Variants in VLDLR observed in about 807,000 individuals in gnomAD.
VLDLR encodes very low-density lipoprotein receptor.
A neutral mutation model predicts 112.7 loss-of-function variants in VLDLR; 81 were observed. The observed-to-expected ratio is 0.72, with a 90% confidence interval of 0.60 to 0.86. The LOEUF (loss-of-function observed/expected upper bound fraction) is 0.86, where lower values mean the gene tolerates loss of function less well. Among genes scored for constraint, VLDLR ranks in the 40% least tolerant of loss-of-function variants. VLDLR has a pLI of 0.00. For missense variants in VLDLR, 1,237 were observed against 1,099.4 expected (o/e 1.13, Z -1.77); for synonymous variants, 436 against 384.8 (o/e 1.13, Z -1.56).
intron 12 of VLDLR, 22 bp from the exon 13 acceptor site, chr9:2,648,186 T>C (rs774380798): frequency 2.5e-6 from 4 of 1,613,040 alleles, no homozygotes; most frequent in East Asian, 2.2e-5. Flanking sequence ...TGTCATGTAA[T>C]GACAATTCTT....
rs1326187515 is a variant in VLDLR at position 2,653,428 on chromosome 9, T to G, written c.2587-405T>G. Among the ~76,000 whole-genome samples the G allele has an allele frequency of 2.6e-5, 4 of 152,208 alleles. No homozygotes were observed. In the East Asian group the frequency reaches 7.7e-4, roughly 29 times the overall value. ...TTTCTTCCAGCAATAGTCACTCACT[T>G]GTTCTTCAGATGAAACCCAAGTGGA... On this transcript the variant is annotated intron_variant, in intron 18 of 18. Transcript: ENST00000382100.
intron 2 of VLDLR, among the ~76,000 whole-genome samples, chr9:2,638,764 C>T (rs1173715657): frequency 6.6e-6 from 1 of 152,118 alleles, no homozygotes; most frequent in East Asian, 1.9e-4. Context: ...AAAGACCTGC[C>T]CCAGGAAGAA....
At chr9:2,637,537 C>G (rs972177918) in intron 2 of VLDLR, among the ~76,000 whole-genome samples, 1 of 152,198 alleles carries the variant, frequency 6.6e-6, no homozygotes, top group African/African-American at 2.4e-5. Flanking sequence ...GTCTATGCTC[C>G]AAATGAAGAG....
Position 2,629,810 on chromosome 9 carries a change from TTTC to T in VLDLR, c.83-5642_83-5640del, listed in dbSNP as rs1418099226. 1.1e-3 allele frequency among the ~76,000 whole-genome samples: 164 copies of T among 152,294 alleles called. 1 individual carries two copies. The highest frequency in any genetic ancestry group is 3.5e-3 in the African/African-American group (147 of 41,544). ...TTTTTGTTGCTGTTTGTTTGTTTGT[TTTC>T]GAGATGGAGTTTCACTCTTGTTGCC... On this transcript the variant is annotated intron_variant, in intron 1 of 18. Transcript: ENST00000382100.
chr9:2,623,553 G>C (rs1294078260), intron 1 of VLDLR, among the ~76,000 whole-genome samples: 2 of 152,246 alleles, frequency 1.3e-5, no homozygotes, highest in Non-Finnish European at 2.9e-5. Context: ...GCAGCGCCTG[G>C]GGTTTTTACG....
At chr9:2,648,956 A>G (rs1818192499) in intron 14 of VLDLR, 146 bp downstream of exon 14, 2 of 1,030,788 alleles carry the variant, frequency 1.9e-6, no homozygotes, top group East Asian at 2.6e-5. Flanking sequence ...AACATTTCAC[A>G]TGTTATTTTT....
At chr9:2,641,523 C>G in intron 4 of VLDLR, 24 bp downstream of exon 4, 2 of 1,613,690 alleles carry the variant, frequency 1.2e-6, no homozygotes, top group African/African-American at 1.3e-5. Context: ...TGTTGAGTGA[C>G]GTAACCCAAA....
At chr9:2,648,062 C>T (rs899473068) in intron 12 of VLDLR, 146 bp from the exon 13 acceptor site, 32 of 1,076,392 alleles carry the variant, frequency 3.0e-5, no homozygotes, top group Non-Finnish European at 3.8e-5. Flanking sequence ...GCTCTGCATG[C>T]TGCTTCGCAA....
rs569872877 is a variant in VLDLR at position 2,647,833 on chromosome 9, T to C, written c.1822+241T>C. 59 of 605,818 alleles carry C rather than the reference T, an allele frequency of 9.7e-5. No individual in the cohort carries two copies. The East Asian group carries it at 1.6e-3, about 16-fold the overall frequency. The allele number at this position is 605,818 out of a possible 1,614,324, so 37.5% of individuals were successfully genotyped here. On this transcript the variant is annotated intron_variant, in intron 12 of 18. Coordinates refer to ENST00000382100, the MANE Select transcript of VLDLR (RefSeq NM_003383.5). The stretch of plus-strand genomic sequence containing the variant: ...ATATGTGACACAAATTCAGTGAACG[T>C]TGGGTCTTGGGTGCACTCATACTAA...
chr9:2,642,830 A>G (rs900792642), intron 4 of VLDLR, among the ~76,000 whole-genome samples: 6 of 152,160 alleles, frequency 3.9e-5, no homozygotes, highest in Non-Finnish European at 8.8e-5. Flanking sequence ...GGACAACTCA[A>G]TCTCTGCCTT....
chr9:2,644,458 C>T (rs894197176), intron 7 of VLDLR, among the ~76,000 whole-genome samples: 3 of 151,632 alleles, frequency 2.0e-5, no homozygotes, highest in African/African-American at 4.9e-5. Flanking sequence ...CATGAGCCAC[C>T]GCGCCCGGCC....
chr9:2,627,386 T>C (rs1436455005), intron 1 of VLDLR, among the ~76,000 whole-genome samples: 2 of 152,140 alleles, frequency 1.3e-5, no homozygotes, highest in Non-Finnish European at 2.9e-5. Flanking sequence ...CCAAAGAGCA[T>C]TAAAACATGT....
intron 1 of VLDLR, among the ~76,000 whole-genome samples, chr9:2,623,812 G>C (rs1816951111): frequency 6.6e-6 from 1 of 152,128 alleles, no homozygotes; most frequent in Non-Finnish European, 1.5e-5. Context: ...CGAATGTGTA[G>C]TGAACATGGA....
rs763355007 is a variant in VLDLR, at chr9:2,650,377, T to C, written c.2112T>C (p.Asn704=). The C allele has an allele frequency of 1.9e-6, 3 of 1,614,054 alleles. No individual in the cohort carries two copies. Among genetic ancestry groups the C allele is most frequent in the Non-Finnish European group, 1.7e-6 (2 of 1,180,008 alleles). Residue 704 remains asparagine (N), a synonymous_variant, in exon 15 of 19, where the codon AAT becomes AAC. Transcript: ENST00000382100. ...ATTTTTTTTCCTGACTAGGTAAAAATTGGTGTGAAGAAGACATGGAGAATG... is the reference window on the plus strand; with the variant it reads ...ATTTTTTTTCCTGACTAGGTAAAAACTGGTGTGAAGAAGACATGGAGAATG... ...YHELVQPSGK[N]WCEEDMENGG...
At position 2,657,884 on chromosome 9, in the gene VLDLR, A is replaced by T. The variant is rs1818661279; in HGVS notation, c.*4016A>T. 6.6e-6 allele frequency: 1 copy of T among 152,248 alleles called. No individual in the cohort carries two copies. The highest frequency in any genetic ancestry group is 2.4e-5 in the African/African-American group (1 of 41,468). 9.4% of individuals were successfully genotyped at this position (152,248 alleles called of 1,614,324 possible). A position where few individuals can be genotyped will look rare whatever the true frequency, so the allele number is the denominator to read the frequency against. ...TCTTCTAGAATTGTAATACTAAAAAACTACTCGAGTAAATATCCTAACAAG... is the reference window on the plus strand; with the variant it reads ...TCTTCTAGAATTGTAATACTAAAAATCTACTCGAGTAAATATCCTAACAAG... On this transcript the variant is annotated 3_prime_UTR_variant, in exon 19 of 19. Coordinates refer to ENST00000382100, the MANE Select transcript of VLDLR (RefSeq NM_003383.5).
rs1297146524 is a variant in VLDLR at position 2,656,489 on chromosome 9, A to C, written c.*2621A>C. 6.6e-6 allele frequency: 1 copy of C among 152,196 alleles called. No homozygotes were observed. Among genetic ancestry groups the C allele is most frequent in the Non-Finnish European group, 1.5e-5 (1 of 68,042 alleles). The allele number at this position is 152,196 out of a possible 1,614,324, so 9.4% of individuals were successfully genotyped here. On this transcript the variant is annotated 3_prime_UTR_variant, in exon 19 of 19. Coordinates refer to ENST00000382100, the MANE Select transcript of VLDLR (RefSeq NM_003383.5). ...TAGTTATATGACTAAACTACTAGTC[A>C]ATACAGCTTGCAATAATAGTGCATG...
chr9:2,632,980 G>C (rs1457395249), intron 1 of VLDLR, among the ~76,000 whole-genome samples: 3 of 150,516 alleles, frequency 2.0e-5, no homozygotes, highest in African/African-American at 4.9e-5. Flanking sequence ...AAACAGGCAG[G>C]GACATTTTAG....
In VLDLR at chr9:2,635,579, A is replaced by G; in HGVS notation, c.202+7A>G. ...AGTGATGAAAAGAACTGTGGTAAGTAAAGAGTTTGATGACTTATGCATTTT... is the reference window on the plus strand; with the variant it reads ...AGTGATGAAAAGAACTGTGGTAAGTGAAGAGTTTGATGACTTATGCATTTT... On this transcript the variant is annotated splice_region_variant and intron_variant, in intron 2 of 18. Coordinates refer to ENST00000382100, the MANE Select transcript of VLDLR (RefSeq NM_003383.5). 1.9e-6 allele frequency: 3 copies of G among 1,613,960 alleles called. No homozygotes were observed. The highest frequency in any genetic ancestry group is 2.5e-6 in the Non-Finnish European group (3 of 1,179,820).
rs971170721 is a variant in VLDLR, at chr9:2,656,908, A to G, written c.*3040A>G. On this transcript the variant is annotated 3_prime_UTR_variant, in exon 19 of 19. Coordinates refer to ENST00000382100, the MANE Select transcript of VLDLR (RefSeq NM_003383.5). Reference sequence around the variant, plus strand: ...CTAGTAGGTGTTTTAAAGCCTAGGTATCGCTGCCTCTTTAGTTCTTGATGA... The same window carrying G: ...CTAGTAGGTGTTTTAAAGCCTAGGTGTCGCTGCCTCTTTAGTTCTTGATGA... 6 of 132,774 alleles carry G rather than the reference A, an allele frequency of 4.5e-5. No individual in the cohort carries two copies. Among genetic ancestry groups the G allele is most frequent in the Non-Finnish European group, 7.8e-5 (5 of 64,062 alleles). The allele number at this position is 132,774 out of a possible 1,614,324, so 8.2% of individuals were successfully genotyped here. A position where few individuals can be genotyped will look rare whatever the true frequency, so the allele number is the denominator to read the frequency against.
Sources: allele counts gnomAD v4.1 joint callset (sites outside exome capture counted in the v4.1 genomes callset), GRCh38; gene constraint gnomAD v4.1.1; transcripts MANE v1.5; gene names NCBI Gene and HGNC (gene_info 2026-07-23, HGNC 2026-07-21).